Variants in RAD54L2 observed in about 807,000 individuals in gnomAD.
RAD54L2 encodes the protein RAD54 like 2.
Under a neutral mutation model 138.4 loss-of-function variants are expected in RAD54L2, and 27 were observed. The observed-to-expected ratio is 0.20, with a 90% CI of 0.14 to 0.27. The LOEUF is 0.27. RAD54L2 is among the 10% of genes least tolerant of loss of function. RAD54L2 has a pLI of 1.00. For synonymous variants in RAD54L2, 644 were observed against 723.2 expected, an observed-to-expected ratio of 0.89 and a Z score of 1.76; for missense variants, 1,396 against 1,890.2, an observed-to-expected ratio of 0.74 and a Z score of 4.85.
Position 51,657,534 on chromosome 3 carries a change from A to G in RAD54L2, c.3227-46A>G, listed in dbSNP as rs373503475. 346 of 1,324,318 alleles carry G rather than the reference A, an allele frequency of 2.6e-4. 1 individual carries two copies. Among genetic ancestry groups the G allele is most frequent in the Admixed American group, 6.7e-4 (34 of 50,400 alleles). 82.0% of individuals were successfully genotyped at this position (1,324,318 alleles called of 1,614,324 possible). On this transcript the variant is annotated intron_variant, in intron 20 of 22. Coordinates refer to ENST00000684192, the MANE Select transcript of RAD54L2 (RefSeq NM_015106.4). Reference sequence around the variant, plus strand: ...ACTTTGCAATTTTCCCCCCTCCTTCAGTCAGGCCCCGTGCAATCTAAATTT... The same window carrying G: ...ACTTTGCAATTTTCCCCCCTCCTTCGGTCAGGCCCCGTGCAATCTAAATTT...
chr3:51,624,762 G>C (rs1700640323), intron 3 of RAD54L2, among the ~76,000 whole-genome samples: 1 of 152,136 alleles, frequency 6.6e-6, no homozygotes, highest in Non-Finnish European at 1.5e-5. Flanking sequence ...CATTAGTTTT[G>C]AACTTCATGC....
intron 2 of RAD54L2, among the ~76,000 whole-genome samples, chr3:51,566,403 C>G (rs576320321): frequency 1.4e-5 from 2 of 139,132 alleles, no homozygotes; most frequent in East Asian, 4.4e-4. Context: ...TTCAAGTTTG[C>G]TAAGAGTTTG....
chr3:51,646,266 C>T lies in RAD54L2; in HGVS notation c.2830-19C>T, dbSNP rs1701276055. 2 of 1,559,790 alleles carry T rather than the reference C, an allele frequency of 1.3e-6. No individual in the cohort carries two copies. Among genetic ancestry groups the T allele is most frequent in the African/African-American group, 1.4e-5 (1 of 73,250 alleles). On this transcript the variant is annotated intron_variant, in intron 18 of 22. Transcript: ENST00000684192. ...TCAGCCATGTTGGTAACTAAATCAA[C>T]ATCCTCCTGTGTCCCCAGGAGCCTT...
chr3:51,539,700 C>T (rs898652543), intron 1 of RAD54L2, among the ~76,000 whole-genome samples: 11 of 151,892 alleles, frequency 7.2e-5, no homozygotes, highest in African/African-American at 2.7e-4. Context: ...GTGGTGGCAG[C>T]CTGGGAGATG....
At chr3:51,610,229 T>A (rs1354743657) in intron 3 of RAD54L2, among the ~76,000 whole-genome samples, 2 of 152,144 alleles carry the variant, frequency 1.3e-5, no homozygotes, top group East Asian at 3.8e-4. Flanking sequence ...TCTGAGCCCT[T>A]AGGGAAGGGT....
intron 3 of RAD54L2, among the ~76,000 whole-genome samples, chr3:51,626,838 A>G (rs1480723459): frequency 6.6e-6 from 1 of 152,106 alleles, no homozygotes; most frequent in Admixed American, 6.5e-5. Context: ...CTTCATGATC[A>G]TTACATGTAT....
At chr3:51,626,895 A>G (rs1700705742) in intron 3 of RAD54L2, among the ~76,000 whole-genome samples, 1 of 152,024 alleles carries the variant, frequency 6.6e-6, no homozygotes, top group South Asian at 2.1e-4. Flanking sequence ...AAAGTTCTTT[A>G]TATCTGTTGA....
At chr3:51,557,115 A>G (rs762660385) in intron 2 of RAD54L2, among the ~76,000 whole-genome samples, 15 of 151,226 alleles carry the variant, frequency 9.9e-5, no homozygotes, top group Non-Finnish European at 1.6e-4. Flanking sequence ...CTGTCACCCA[A>G]TTTCAACAAT....
chr3:51,539,213 C>A (rs1577374684), intron 1 of RAD54L2, among the ~76,000 whole-genome samples: 1 of 152,150 alleles, frequency 6.6e-6, no homozygotes, highest in African/African-American at 2.4e-5. Context: ...CCCCTCTGCG[C>A]TTTTGGCTCT....
intron 2 of RAD54L2, among the ~76,000 whole-genome samples, chr3:51,544,071 T>G (rs1433440833): frequency 1.3e-5 from 2 of 152,210 alleles, no homozygotes. Flanking sequence ...GTTTTGGTGT[T>G]TTTTTTGTGT....
intron 3 of RAD54L2, among the ~76,000 whole-genome samples, chr3:51,612,670 T>G (rs1214880701): frequency 6.8e-6 from 1 of 147,586 alleles, no homozygotes; most frequent in Non-Finnish European, 1.5e-5. Context: ...GTTTTAACTT[T>G]GTTCATGATG....
intron 3 of RAD54L2, 117 bp downstream of exon 3, chr3:51,590,676 A>G (rs1332177205): frequency 2.0e-5 from 27 of 1,365,158 alleles, no homozygotes; most frequent in Non-Finnish European, 2.7e-5. Flanking sequence ...GTGGGAAGAT[A>G]CAGACTAGGA....
chr3:51,594,066 C>CTTT (rs904101025), intron 3 of RAD54L2, among the ~76,000 whole-genome samples: 240 of 105,116 alleles, frequency 2.3e-3, no homozygotes, highest in Non-Finnish European at 3.0e-3. Flanking sequence ...TTTTCTTTTT[C>CTTT]TTTTTTTTTT....
chr3:51,539,324 G>A (rs542650529), intron 1 of RAD54L2, among the ~76,000 whole-genome samples: 74 of 152,252 alleles, frequency 4.9e-4, no homozygotes, highest in African/African-American at 1.8e-3. Flanking sequence ...AGGCGCATCT[G>A]GATGCGTCTC....
At chr3:51,574,941 T>C (rs1025580766) in intron 2 of RAD54L2, among the ~76,000 whole-genome samples, 7 of 152,350 alleles carry the variant, frequency 4.6e-5, no homozygotes, top group Non-Finnish European at 1.0e-4. Flanking sequence ...TCCTGAATGG[T>C]ATTGCCTAGG....
chr3:51,598,879 C>G (rs1700026606), intron 3 of RAD54L2, among the ~76,000 whole-genome samples: 1 of 152,120 alleles, frequency 6.6e-6, no homozygotes. Flanking sequence ...TCCCCCATCC[C>G]TTACCCTAGC....
intron 1 of RAD54L2, among the ~76,000 whole-genome samples, chr3:51,540,790 G>A (rs536312494): frequency 1.9e-4 from 29 of 151,958 alleles, no homozygotes; most frequent in African/African-American, 6.7e-4. Flanking sequence ...GGTGGCTAAC[G>A]CCTGTAATCC....
At chr3:51,562,047 T>TC (rs1280691296) in intron 2 of RAD54L2, among the ~76,000 whole-genome samples, 2 of 150,556 alleles carry the variant, frequency 1.3e-5, no homozygotes, top group Non-Finnish European at 1.5e-5. Context: ...TTTTTTTTTT[T>TC]CCCCCTGAGA....
At chr3:51,634,884 C>A (rs1000936876) in intron 9 of RAD54L2, among the ~76,000 whole-genome samples, 26 of 152,166 alleles carry the variant, frequency 1.7e-4, no homozygotes, top group African/African-American at 6.0e-4. Context: ...AAAGCTATTT[C>A]TTGATCCAAC....
Sources: allele counts gnomAD v4.1 joint callset (sites outside exome capture counted in the v4.1 genomes callset), GRCh38; gene constraint gnomAD v4.1.1; transcripts MANE v1.5; gene names NCBI Gene and HGNC (gene_info 2026-07-23, HGNC 2026-07-21).